The following DEPTOR variants were observed in gnomAD, a reference collection of about 807,000 sequenced individuals.
The protein encoded by DEPTOR is DEP domain containing MTOR interacting protein, also known as DEP domain-containing mTOR-interacting protein.
In DEPTOR, 41 loss-of-function variants were observed where a neutral mutation model predicts 41.6. The ratio of observed to expected loss-of-function variants is 0.98; its 90% CI spans 0.77 to 1.28. The LOEUF is 1.28. Ranked by LOEUF, DEPTOR falls within the 50% of genes most tolerant of loss-of-function variation. The probability of loss-of-function intolerance (pLI) is 0.00; values close to 1 mark genes in which losing one functional copy is unlikely to be tolerated. For missense variants in DEPTOR, 514 were observed against 527.9 expected (o/e 0.97, Z 0.26); for synonymous variants, 195 against 192.3 (o/e 1.01, Z -0.12).
In DEPTOR at chr8:120,030,497, GTTTTTTTTT is replaced by G. The variant is rs1171655489; in HGVS notation, c.1102-19059_1102-19051del. Reference sequence around the variant, plus strand: ...AATGATGTATTGTGTAGGTTCATCAGTTTTTTTTTTTTTTTTTTTTTTTTTTTTAGCTGG... The same window carrying G: ...AATGATGTATTGTGTAGGTTCATCAGTTTTTTTTTTTTTTTTTTTAGCTGG... On this transcript the variant is annotated intron_variant, in intron 8 of 8. Transcript: ENST00000286234. Among the ~76,000 whole-genome samples, 12 of 46,216 alleles carry G rather than the reference GTTTTTTTTT, an allele frequency of 2.6e-4. 1 individual carries two copies. The highest frequency in any genetic ancestry group is 2.4e-3 in the South Asian group (2 of 824). 30.3% of individuals were successfully genotyped at this position (46,216 alleles called of 152,430 possible). A position where few individuals can be genotyped will look rare whatever the true frequency, so the allele number is the denominator to read the frequency against.
At chr8:120,006,652 G>A (rs958242193) in intron 6 of DEPTOR, among the ~76,000 whole-genome samples, 153 bp from the exon 7 acceptor site, 1 of 151,330 alleles carries the variant, frequency 6.6e-6, no homozygotes, top group East Asian at 1.9e-4. Flanking sequence ...GCTATTTACT[G>A]TCTCCATTCA....
intron 3 of DEPTOR, among the ~76,000 whole-genome samples, chr8:119,955,848 T>C (rs761244912): frequency 6.6e-6 from 1 of 152,162 alleles, no homozygotes; most frequent in Non-Finnish European, 1.5e-5. Context: ...GTATGGTATG[T>C]GAATTATCTC....
intron 4 of DEPTOR, among the ~76,000 whole-genome samples, chr8:119,980,883 CTG>C (rs1828758710): frequency 6.6e-6 from 1 of 152,100 alleles, no homozygotes; most frequent in South Asian, 2.1e-4. Flanking sequence ...TTTCTGATAT[CTG>C]TATTTTTACA....
intron 8 of DEPTOR, among the ~76,000 whole-genome samples, chr8:120,017,888 C>T (rs1812637065): frequency 6.6e-6 from 1 of 152,156 alleles, no homozygotes; most frequent in Non-Finnish European, 1.5e-5. Context: ...TTGTTTCCTG[C>T]CGTGATGAAT....
At chr8:120,039,223 A>G (rs894915315) in intron 8 of DEPTOR, among the ~76,000 whole-genome samples, 1 of 152,206 alleles carries the variant, frequency 6.6e-6, no homozygotes, top group Non-Finnish European at 1.5e-5. Flanking sequence ...AGAAGGTGCC[A>G]TCTACAAAGA....
intron 1 of DEPTOR, among the ~76,000 whole-genome samples, chr8:119,910,599 C>T (rs1827724467): frequency 6.6e-6 from 1 of 151,866 alleles, no homozygotes; most frequent in African/African-American, 2.4e-5. Context: ...ATTATAGGTG[C>T]CCAGCTAAGT....
intron 4 of DEPTOR, among the ~76,000 whole-genome samples, chr8:119,986,795 A>G (rs1157164843): frequency 6.6e-6 from 1 of 151,662 alleles, no homozygotes; most frequent in African/African-American, 2.4e-5. Flanking sequence ...AATCTCTGAT[A>G]TCCTTTCTTC....
chr8:120,001,807 G>T (rs1009490254), intron 5 of DEPTOR, 97 bp downstream of exon 5: 2 of 1,386,376 alleles, frequency 1.4e-6, no homozygotes, highest in South Asian at 1.7e-5. Flanking sequence ...CTCTATCAGA[G>T]CGTAGAATTT....
intron 3 of DEPTOR, among the ~76,000 whole-genome samples, chr8:119,941,069 G>T (rs2129894602): frequency 6.6e-6 from 1 of 152,114 alleles, no homozygotes; most frequent in African/African-American, 2.4e-5. Flanking sequence ...TCGTGCTACT[G>T]AACTTAAAAA....
At position 119,920,462 on chromosome 8, in the gene DEPTOR, C is replaced by G. The variant is rs117723722; in HGVS notation, c.123-7938C>G. Among the ~76,000 whole-genome samples, 15 of 152,182 alleles carry G rather than the reference C, an allele frequency of 9.9e-5. No individual in the cohort carries two copies. The East Asian group carries it at 2.9e-3, about 29-fold the overall frequency. On this transcript the variant is annotated intron_variant, in intron 1 of 8. Coordinates refer to ENST00000286234, the MANE Select transcript of DEPTOR (RefSeq NM_022783.4). ...TTCTGGCTTTGGAAGGCTGGGAAAA[C>G]GTTCACAGAGGAGGTGCCCTTGAAA...
chr8:119,931,660 A>C (rs1043547490), intron 3 of DEPTOR, among the ~76,000 whole-genome samples: 1 of 152,158 alleles, frequency 6.6e-6, no homozygotes, highest in African/African-American at 2.4e-5. Context: ...GTCTACTATC[A>C]CTTGCTTTCT....
In DEPTOR at chr8:120,041,934, G is replaced by T. The variant is rs576016175; in HGVS notation, c.1102-7642G>T. On this transcript the variant is annotated intron_variant, in intron 8 of 8. Transcript: ENST00000286234. Reference sequence around the variant, plus strand: ...AGTTTTGTTCTTCCTTTTCATTCAAGAATTTGCTCCTTATCCCTTCATTTG... The same window carrying T: ...AGTTTTGTTCTTCCTTTTCATTCAATAATTTGCTCCTTATCCCTTCATTTG... Among the ~76,000 whole-genome samples, 218 of 152,176 alleles carry T rather than the reference G, an allele frequency of 1.4e-3. 2 individuals are homozygous for T. Among genetic ancestry groups the T allele is most frequent in the Non-Finnish European group, 8.5e-4 (58 of 68,010 alleles).
At chr8:120,004,278 A>C (rs1271211620) in intron 6 of DEPTOR, among the ~76,000 whole-genome samples, 3 of 151,886 alleles carry the variant, frequency 2.0e-5, no homozygotes, top group Admixed American at 1.3e-4. Flanking sequence ...TGCCTTCTGG[A>C]GTGTTAGCAG....
intron 3 of DEPTOR, among the ~76,000 whole-genome samples, chr8:119,947,776 T>C (rs560640617): frequency 6.6e-6 from 1 of 152,328 alleles, no homozygotes; most frequent in African/African-American, 2.4e-5. Flanking sequence ...AGGATCATTA[T>C]GCTGTCATCT....
At chr8:119,879,915 G>A (rs1209064256) in intron 1 of DEPTOR, among the ~76,000 whole-genome samples, 3 of 152,092 alleles carry the variant, frequency 2.0e-5, no homozygotes, top group Admixed American at 1.3e-4. Flanking sequence ...AGGCTGAGGC[G>A]AGTGGATCAC....
chr8:119,946,466 G>A (rs565148393), intron 3 of DEPTOR, among the ~76,000 whole-genome samples: 1 of 151,286 alleles, frequency 6.6e-6, no homozygotes, highest in Non-Finnish European at 1.5e-5. Flanking sequence ...CTGAGGCCGG[G>A]TGCAGTGGCT....
intron 1 of DEPTOR, among the ~76,000 whole-genome samples, chr8:119,883,251 G>A (rs2129682170): frequency 6.6e-6 from 1 of 152,038 alleles, no homozygotes; most frequent in Admixed American, 6.6e-5. Flanking sequence ...GAGGCGGGCG[G>A]ATCACGAGGT....
At chr8:119,971,579 A>G (rs1019415423) in intron 4 of DEPTOR, among the ~76,000 whole-genome samples, 3 of 152,236 alleles carry the variant, frequency 2.0e-5, no homozygotes, top group African/African-American at 7.2e-5. Context: ...AACTCAGGGA[A>G]GGAACCAGAG....
chr8:119,956,736 T>G (rs1044013433), intron 3 of DEPTOR, among the ~76,000 whole-genome samples: 6 of 109,764 alleles, frequency 5.5e-5, no homozygotes, highest in African/African-American at 1.7e-4. Flanking sequence ...TGTTTTTTTT[T>G]TTTGTTTTTT....
Sources: allele counts gnomAD v4.1 joint callset (sites outside exome capture counted in the v4.1 genomes callset), GRCh38; gene constraint gnomAD v4.1.1; transcripts MANE v1.5; gene names NCBI Gene and HGNC (gene_info 2026-07-23, HGNC 2026-07-21).